Variants in GMPR observed in about 807,000 individuals in gnomAD.
GMPR encodes GMP reductase 1.
In GMPR, 31 loss-of-function variants were observed where a neutral mutation model predicts 38.4. The observed-to-expected ratio is 0.81, with a 90% CI of 0.61 to 1.09. GMPR has a LOEUF of 1.09. Among genes scored for constraint, GMPR ranks in the 50% least tolerant of loss-of-function variants. The probability of loss-of-function intolerance (pLI) is 0.00; values close to 1 mark genes in which losing one functional copy is unlikely to be tolerated. For synonymous variants in GMPR, 162 were observed against 173.3 expected (o/e 0.93, Z 0.51); for missense variants, 468 against 453.7 (o/e 1.03, Z -0.29).
chr6:16,286,260 G>A (rs1271686734), intron 7 of GMPR, among the ~76,000 whole-genome samples: 1 of 152,036 alleles, frequency 6.6e-6, no homozygotes, highest in Non-Finnish European at 1.5e-5. Flanking sequence ...TCCCGCTAGG[G>A]GGCAGCAGTG....
At chr6:16,243,395 G>T (rs976400409) in intron 1 of GMPR, among the ~76,000 whole-genome samples, 9 of 152,180 alleles carry the variant, frequency 5.9e-5, no homozygotes, top group African/African-American at 2.2e-4. Context: ...TCACGAGCCT[G>T]ATAACTGATG....
At chr6:16,262,470 G>A (rs1319143543) in intron 4 of GMPR, 1 of 152,028 alleles carries the variant, frequency 6.6e-6, no homozygotes, top group Non-Finnish European at 1.5e-5. Flanking sequence ...GCTCCTGGGG[G>A]AGGAGGTTCT....
intron 1 of GMPR, among the ~76,000 whole-genome samples, chr6:16,244,627 T>C (rs1284114424): frequency 6.6e-6 from 1 of 152,184 alleles, no homozygotes. Flanking sequence ...TGTTACTTTA[T>C]GTTCCCTTTC....
At chr6:16,269,936 T>C (rs1226027908) in intron 4 of GMPR, among the ~76,000 whole-genome samples, 1 of 152,246 alleles carries the variant, frequency 6.6e-6, no homozygotes, top group Non-Finnish European at 1.5e-5. Flanking sequence ...CTTTTCATTG[T>C]CACCTCATGT....
At chr6:16,244,109 T>C (rs929377318) in intron 1 of GMPR, among the ~76,000 whole-genome samples, 1 of 152,064 alleles carries the variant, frequency 6.6e-6, no homozygotes, top group African/African-American at 2.4e-5. Context: ...TTTTTTTTTT[T>C]TTCAGGGTAG....
At chr6:16,280,036 TG>T (rs1173298854) in intron 6 of GMPR, among the ~76,000 whole-genome samples, 2 of 151,966 alleles carry the variant, frequency 1.3e-5, no homozygotes, top group Admixed American at 1.3e-4. Flanking sequence ...AGTAGGTGCT[TG>T]GGGGGCACTG....
Position 16,295,386 on chromosome 6 carries a change from G to A in GMPR, c.*200G>A. 1 of 454,926 alleles carries A rather than the reference G, an allele frequency of 2.2e-6. No homozygotes were observed. Among genetic ancestry groups the A allele is most frequent in the Non-Finnish European group, 3.8e-6 (1 of 263,370 alleles). The allele number at this position is 454,926 out of a possible 1,614,324, so 28.2% of individuals were successfully genotyped here. On this transcript the variant is annotated 3_prime_UTR_variant, in exon 9 of 9. Transcript: ENST00000259727. ...GGGGCCCAGACGCAAGGCACCGATTGGGCCAACATCAGAGCCCTGCTGCCC... is the reference window on the plus strand; with the variant it reads ...GGGGCCCAGACGCAAGGCACCGATTAGGCCAACATCAGAGCCCTGCTGCCC...
At chr6:16,290,402 G>A in intron 7 of GMPR, 60 bp from the exon 8 acceptor site, 1 of 1,505,238 alleles carries the variant, frequency 6.6e-7, no homozygotes, top group Non-Finnish European at 9.2e-7. Context: ...TTTTTTGAGA[G>A]CCTTTTCCCC....
Position 16,250,295 on chromosome 6 carries a change from T to C in GMPR, c.219T>C (p.Phe73=). Residue 73 remains phenylalanine (F), a synonymous_variant, in exon 3 of 9, where the codon TTT becomes TTC. Transcript: ENST00000259727. ...GTTTTGTTTTCTAGCACTCCATGTT[T>C]ACAGCAATTCATAAGCATTACTCCC... is the stretch of plus-strand genomic sequence containing the variant. The part of the protein sequence containing the change: ...MAAVMSQHSM[F]TAIHKHYSLD... 6.2e-7 allele frequency: 1 copy of C among 1,601,282 alleles called. No homozygotes were observed.
chr6:16,266,212 G>A (rs1283338034), intron 4 of GMPR, among the ~76,000 whole-genome samples: 3 of 150,208 alleles, frequency 2.0e-5, no homozygotes, highest in South Asian at 2.1e-4. Flanking sequence ...CACTCGCTGC[G>A]AAGAATGAAG....
Position 16,272,807 on chromosome 6 carries a change from T to C in GMPR, c.466-1608T>C, listed in dbSNP as rs1759408307. ...TTGATTGTATGAATATCTGTGTTTA[T>C]GTGTATGTCAGTTTTTTTTCTTTTT... On this transcript the variant is annotated intron_variant, in intron 4 of 8. Coordinates refer to ENST00000259727, the MANE Select transcript of GMPR (RefSeq NM_006877.4). Among the ~76,000 whole-genome samples the C allele has an allele frequency of 2.0e-5, 3 of 152,310 alleles. No individual in the cohort carries two copies. In the South Asian group the frequency reaches 6.2e-4, roughly 32 times the overall value.
At chr6:16,257,165 C>T (rs1051307225) in intron 4 of GMPR, among the ~76,000 whole-genome samples, 8 of 152,114 alleles carry the variant, frequency 5.3e-5, no homozygotes, top group Admixed American at 1.3e-4. Context: ...GCCTCCTTGA[C>T]GAGGCCTTCA....
At chr6:16,240,220 G>C (rs559399029) in intron 1 of GMPR, among the ~76,000 whole-genome samples, 4 of 152,318 alleles carry the variant, frequency 2.6e-5, no homozygotes, top group Non-Finnish European at 4.4e-5. Flanking sequence ...AAAACATGTT[G>C]AGAAGGTAAA....
At chr6:16,261,821 A>G (rs749523587) in intron 4 of GMPR, among the ~76,000 whole-genome samples, 12 of 151,872 alleles carry the variant, frequency 7.9e-5, no homozygotes, top group Non-Finnish European at 1.3e-4. Context: ...GAGTAGAGGT[A>G]TCTTATATTT....
chr6:16,265,843 G>C (rs914851072), intron 4 of GMPR, among the ~76,000 whole-genome samples: 2 of 152,234 alleles, frequency 1.3e-5, no homozygotes, highest in South Asian at 4.1e-4. Flanking sequence ...TTCTTCGTTC[G>C]CTTGCTGCTG....
intron 4 of GMPR, among the ~76,000 whole-genome samples, chr6:16,271,933 GGGTGC>G (rs1759395547): frequency 6.6e-6 from 1 of 152,138 alleles, no homozygotes; most frequent in Non-Finnish European, 1.5e-5. Context: ...CTCTTAGGCT[GGGTGC>G]GGTGCCTCAC....
At chr6:16,243,797 C>A (rs558162998) in intron 1 of GMPR, among the ~76,000 whole-genome samples, 1 of 152,322 alleles carries the variant, frequency 6.6e-6, no homozygotes, top group South Asian at 2.1e-4. Context: ...GATCCTGGAT[C>A]TCCTTCCCCA....
chr6:16,245,802 C>A (rs1758740494), intron 1 of GMPR, among the ~76,000 whole-genome samples: 1 of 152,180 alleles, frequency 6.6e-6, no homozygotes, highest in African/African-American at 2.4e-5. Context: ...ACTGGGCTTG[C>A]TTAGGGAAAG....
Position 16,285,843 on chromosome 6 carries a change from C to G in GMPR, c.697+8C>G, listed in dbSNP as rs774159217. 1 of 1,607,092 alleles carries G rather than the reference C, an allele frequency of 6.2e-7. No individual in the cohort carries two copies. The highest frequency in any genetic ancestry group is 1.1e-5 in the South Asian group (1 of 89,874). ...ATGTCGCCAAAGCCTTTGGTAAGGC[C>G]GGGCCCTGGTGCAGAGGGAGGGAAG... On this transcript the variant is annotated splice_region_variant and intron_variant, in intron 7 of 8. Transcript: ENST00000259727.
Sources: allele counts gnomAD v4.1 joint callset (sites outside exome capture counted in the v4.1 genomes callset), GRCh38; gene constraint gnomAD v4.1.1; transcripts MANE v1.5; gene names NCBI Gene and HGNC (gene_info 2026-07-23, HGNC 2026-07-21).